The following EPHA6 variants were observed in gnomAD, a reference collection of about 807,000 sequenced individuals.
The protein encoded by EPHA6 is EPH receptor A6, also known as ephrin type-A receptor 6.
A neutral mutation model predicts 112.0 loss-of-function variants in EPHA6; 50 were observed. The ratio of observed to expected loss-of-function variants is 0.45; its 90% CI spans 0.36 to 0.56. The LOEUF (loss-of-function observed/expected upper bound fraction) is 0.56. EPHA6 is among the 20% of genes least tolerant of loss of function. The probability of loss-of-function intolerance (pLI) is 0.00; values close to 1 mark genes in which losing one functional copy is unlikely to be tolerated. For synonymous variants in EPHA6, 529 were observed against 490.7 expected, an observed-to-expected ratio of 1.08 and a Z score of -1.03; for missense variants, 1,280 against 1,417.4, an observed-to-expected ratio of 0.90 and a Z score of 1.56.
At chr3:96,972,143 AT>A (rs2042338028) in intron 2 of EPHA6, among the ~76,000 whole-genome samples, 1 of 152,078 alleles carries the variant, frequency 6.6e-6, no homozygotes, top group Admixed American at 6.6e-5. Flanking sequence ...TGGATTCTAT[AT>A]CTTTCAAATG....
rs1487977082 is a variant in EPHA6 at position 97,397,005 on chromosome 3, GGTTTATATTT to G, written c.1607-8144_1607-8135del. On this transcript the variant is annotated intron_variant, in intron 5 of 17. Coordinates refer to ENST00000389672, the MANE Select transcript of EPHA6 (RefSeq NM_001080448.3). ...CTATTGGAAACGTAGTCATCAGAAA[GGTTTATATTT>G]AAAACCATTTCAGCTATCTATTCAA... is the stretch of plus-strand genomic sequence containing the variant. 7.3e-4 allele frequency among the ~76,000 whole-genome samples: 110 copies of G among 151,592 alleles called. 1 individual carries two copies. In the East Asian group the frequency reaches 8.7e-3, roughly 12 times the overall value.
In EPHA6 at chr3:97,534,589, GA is replaced by G. The variant is rs537372100; in HGVS notation, c.2386+2053del. ...AACATAATTCTGCCTTTCAGAATAGGAAAAAAATATTCAGGTAGAGTGATGT... is the reference window on the plus strand; with the variant it reads ...AACATAATTCTGCCTTTCAGAATAGGAAAAAATATTCAGGTAGAGTGATGT... On this transcript the variant is annotated intron_variant, in intron 11 of 17. Coordinates refer to ENST00000389672, the MANE Select transcript of EPHA6 (RefSeq NM_001080448.3). Among the ~76,000 whole-genome samples the G allele has an allele frequency of 3.8e-3, 578 of 151,336 alleles. 4 individuals carry two copies. The highest frequency in any genetic ancestry group is 0.013 in the African/African-American group (521 of 41,302).
At chr3:97,406,252 T>A (rs536868307) in intron 6 of EPHA6, among the ~76,000 whole-genome samples, 1 of 152,124 alleles carries the variant, frequency 6.6e-6, no homozygotes, top group East Asian at 1.9e-4. Flanking sequence ...ATACCACAGA[T>A]GGAGTAATTT....
chr3:97,244,140 A>G lies in EPHA6; in HGVS notation c.1459A>G (p.Thr487Ala), dbSNP rs1308224218. 1 of 1,613,008 alleles carries G rather than the reference A, an allele frequency of 6.2e-7. No homozygotes were observed. ...GGGLRFIPRH[T>A]GLINNSVIVL... is the part of the protein sequence containing the mutation. ...AGGACTCCGCTTCATCCCAAGACAT[A>G]CAGGCCTGATCAACAATTCCGTGAT... The change falls in exon 5 of 18, where the codon ACA (threonine) becomes GCA (alanine). Residue 487 changes from threonine (T) to alanine (A), a missense_variant. Thr to Ala is a moderately conservative substitution (Grantham distance 58, BLOSUM62 0). This residue lies in a region of EPHA6 where 878 missense variants were observed against 999.7 expected (regional missense o/e 0.88). Transcript: ENST00000389672.
chr3:97,690,466 G>A (rs372813157), intron 14 of EPHA6, among the ~76,000 whole-genome samples: 183 of 148,484 alleles, frequency 1.2e-3, no homozygotes, highest in African/African-American at 4.0e-3. Context: ...TCTACTTTTC[G>A]CCCTTTTTTT....
At chr3:97,439,450 C>T (rs1156584573) in intron 6 of EPHA6, 1 of 172,548 alleles carries the variant, frequency 5.8e-6, no homozygotes, top group African/African-American at 2.4e-5. Flanking sequence ...GCTTAAACCA[C>T]CAAGGAACTT....
chr3:97,748,364 GA>G (rs1469789684), intron 17 of EPHA6, among the ~76,000 whole-genome samples: 3 of 151,766 alleles, frequency 2.0e-5, no homozygotes, highest in African/African-American at 7.3e-5. Context: ...CAGAGAAAAG[GA>G]AAAAAAGAAA....
In EPHA6 at chr3:97,529,640, T is replaced by C. The variant is rs143599214; in HGVS notation, c.2201-2718T>C. Among the ~76,000 whole-genome samples the C allele has an allele frequency of 2.0e-5, 3 of 152,160 alleles. No homozygotes were observed. The East Asian group carries it at 5.8e-4, about 29-fold the overall frequency. The stretch of plus-strand genomic sequence containing the variant: ...ACTATGCATTTAATTTAAAATTTTT[T>C]TTTCCTTTCTGCCTCGTATGTCTGA... On this transcript the variant is annotated intron_variant, in intron 10 of 17. Coordinates refer to ENST00000389672, the MANE Select transcript of EPHA6 (RefSeq NM_001080448.3).
chr3:97,432,733 A>G (rs1183750008), intron 6 of EPHA6, among the ~76,000 whole-genome samples: 1 of 152,188 alleles, frequency 6.6e-6, no homozygotes, highest in Non-Finnish European at 1.5e-5. Flanking sequence ...AGAAGAAGCA[A>G]GGACCTTTTT....
intron 7 of EPHA6, among the ~76,000 whole-genome samples, chr3:97,470,151 A>T (rs2091184537): frequency 6.6e-6 from 1 of 151,718 alleles, no homozygotes; most frequent in Non-Finnish European, 1.5e-5. Context: ...AATCTCCATT[A>T]TGTGTTGCTA....
intron 5 of EPHA6, among the ~76,000 whole-genome samples, chr3:97,378,695 G>A (rs1261423434): frequency 6.6e-6 from 1 of 152,268 alleles, no homozygotes; most frequent in East Asian, 1.9e-4. Flanking sequence ...TCATTTTGGA[G>A]CTTTAAAATT....
intron 6 of EPHA6, among the ~76,000 whole-genome samples, chr3:97,415,621 A>G (rs890190506): frequency 6.6e-6 from 1 of 152,096 alleles, no homozygotes; most frequent in Non-Finnish European, 1.5e-5. Context: ...AGTTTTTTAC[A>G]GTCTGTATCA....
intron 1 of EPHA6, among the ~76,000 whole-genome samples, chr3:96,822,697 G>T (rs892405028): frequency 6.7e-6 from 1 of 150,022 alleles, no homozygotes; most frequent in Non-Finnish European, 1.5e-5. Context: ...TAATTTAAAA[G>T]TATATTTTAA....
At chr3:97,020,709 G>A (rs1327999808) in intron 3 of EPHA6, among the ~76,000 whole-genome samples, 1 of 152,092 alleles carries the variant, frequency 6.6e-6, no homozygotes, top group Non-Finnish European at 1.5e-5. Context: ...CTAGCCATTT[G>A]GATAAAAATT....
intron 11 of EPHA6, among the ~76,000 whole-genome samples, chr3:97,549,952 G>GGTGAGTCT (rs1340652405): frequency 6.6e-6 from 1 of 152,178 alleles, no homozygotes; most frequent in East Asian, 1.9e-4. Context: ...GAGAGTGAGT[G>GGTGAGTCT]GTGAGTCTGT....
chr3:96,965,455 T>A (rs1220992443), intron 2 of EPHA6, among the ~76,000 whole-genome samples: 1 of 152,160 alleles, frequency 6.6e-6, no homozygotes, highest in Non-Finnish European at 1.5e-5. Flanking sequence ...ATATACTTGT[T>A]ATTTCAACTT....
At chr3:97,703,827 A>C (rs908125644) in intron 14 of EPHA6, among the ~76,000 whole-genome samples, 1 of 152,146 alleles carries the variant, frequency 6.6e-6, no homozygotes. Flanking sequence ...TCAGGGGGAA[A>C]AAAGTAAAAA....
chr3:97,379,306 A>G (rs186893782), intron 5 of EPHA6, among the ~76,000 whole-genome samples: 5 of 152,326 alleles, frequency 3.3e-5, no homozygotes, highest in African/African-American at 1.2e-4. Context: ...TGTATTTATC[A>G]GCAGTGTGAA....
intron 2 of EPHA6, among the ~76,000 whole-genome samples, chr3:96,897,075 T>C (rs1336136154): frequency 7.1e-6 from 1 of 141,524 alleles, no homozygotes; most frequent in Non-Finnish European, 1.5e-5. Flanking sequence ...TACATGCTAA[T>C]ACATCTTTAA....
Sources: allele counts gnomAD v4.1 joint callset (sites outside exome capture counted in the v4.1 genomes callset), GRCh38; gene constraint gnomAD v4.1.1; regional missense constraint gnomAD v4.1.1; transcripts MANE v1.5; gene names NCBI Gene and HGNC (gene_info 2026-07-23, HGNC 2026-07-21).